The following HDAC4 variants were observed in gnomAD, a reference collection of about 807,000 sequenced individuals.
HDAC4 encodes the protein histone deacetylase A.
In HDAC4, 16 loss-of-function variants were observed where a neutral mutation model predicts 135.1. The observed-to-expected ratio is 0.12, with a 90% CI of 0.08 to 0.18. The LOEUF (loss-of-function observed/expected upper bound fraction) is 0.18. Among genes scored for constraint, HDAC4 ranks in the 10% least tolerant of loss-of-function variants. HDAC4 has a pLI of 1.00. For synonymous variants in HDAC4, 685 were observed against 653.4 expected (o/e 1.05, Z -0.74); for missense variants, 1,143 against 1,511.8 (o/e 0.76, Z 4.05).
intron 1 of HDAC4, among the ~76,000 whole-genome samples, chr2:239,359,748 G>A (rs1273887390): frequency 6.6e-6 from 1 of 152,224 alleles, no homozygotes; most frequent in Non-Finnish European, 1.5e-5. Context: ...CCTCCTGGGA[G>A]GAAGCCAGTG....
intron 15 of HDAC4, among the ~76,000 whole-genome samples, chr2:239,107,321 A>G (rs79830281): frequency 0.034 from 5,254 of 152,294 alleles, 286 homozygotes; most frequent in African/African-American, 0.12. Context: ...TCTGGTTCCT[A>G]TCAGGAGGCG....
intron 19 of HDAC4, among the ~76,000 whole-genome samples, chr2:239,084,613 GACAC>G (rs993872798): frequency 6.9e-6 from 1 of 144,714 alleles, no homozygotes; most frequent in East Asian, 2.1e-4. Flanking sequence ...ACCCCCCACA[GACAC>G]ACACACCACA....
chr2:239,111,556 C>T lies in HDAC4; in HGVS notation c.1948G>A (p.Glu650Lys). Residue 650 changes from glutamate to lysine, a missense_variant, in exon 14 of 27, where the codon GAG (glutamate) becomes AAG (lysine). Glu to Lys is a moderately conservative substitution (Grantham distance 56). Transcript: ENST00000543185. ...GTGAACCTCGGCTTGGTGGGGGGCT[C>T]CTGCACAGACACGGGGAAGGTGGCA... The part of the protein sequence containing the change: ...ASATFPVSVQ[E>K]PPTKPRFTTG... The T allele has an allele frequency of 6.2e-7, 1 of 1,612,430 alleles. No homozygotes were observed. Among genetic ancestry groups the T allele is most frequent in the Non-Finnish European group, 8.5e-7 (1 of 1,179,764 alleles).
At chr2:239,071,625 T>C (rs901606073) in intron 22 of HDAC4, among the ~76,000 whole-genome samples, 3 of 152,102 alleles carry the variant, frequency 2.0e-5, no homozygotes, top group African/African-American at 7.2e-5. Context: ...CTGGGCCACC[T>C]CTGGCTCTCG....
intron 2 of HDAC4, among the ~76,000 whole-genome samples, chr2:239,249,386 C>T (rs2048651760): frequency 2.0e-5 from 3 of 152,306 alleles, no homozygotes; most frequent in Non-Finnish European, 4.4e-5. Context: ...TCCATCAGGA[C>T]TCTGCGATGG....
At chr2:239,314,754 G>A (rs115147307) in intron 2 of HDAC4, among the ~76,000 whole-genome samples, 3,547 of 152,280 alleles carry the variant, frequency 0.023, 146 homozygotes, top group African/African-American at 0.081. Context: ...AGCTGGAGAC[G>A]TTAGAGGACT....
At chr2:239,272,411 T>G (rs1339969013) in intron 2 of HDAC4, among the ~76,000 whole-genome samples, 1 of 152,186 alleles carries the variant, frequency 6.6e-6, no homozygotes, top group African/African-American at 2.4e-5. Flanking sequence ...GCAAACCATA[T>G]ATCTGATCAA....
intron 3 of HDAC4, among the ~76,000 whole-genome samples, chr2:239,224,078 G>A (rs888165163): frequency 7.2e-5 from 11 of 152,086 alleles, no homozygotes; most frequent in Admixed American, 1.3e-4. Context: ...TCATCCCAGC[G>A]CAGGGTCTGC....
At chr2:239,372,173 C>T (rs62182156) in intron 1 of HDAC4, among the ~76,000 whole-genome samples, 37,554 of 152,074 alleles carry the variant, frequency 0.25, 5,494 homozygotes, top group Non-Finnish European at 0.34. Flanking sequence ...GACAGTGGGC[C>T]CCAGGACTCT....
chr2:239,142,844 T>TG (rs1461356230), intron 8 of HDAC4, among the ~76,000 whole-genome samples: 1 of 147,116 alleles, frequency 6.8e-6, no homozygotes, highest in Non-Finnish European at 1.5e-5. Context: ...ACATGACTCC[T>TG]GGGTGAGCTC....
rs763495006 is a variant in HDAC4 at position 239,053,103 on chromosome 2, G to A, written c.3264C>T (p.Pro1088=). The part of the protein sequence containing the change: ...PDEEPMEEEP[P]L ...CAGCAGCTTCGAGGGAGTGCTACAG[G>A]GGCGGCTCCTCTTCCATGGGCTCCT... The change falls in exon 27 of 27, where the codon CCC becomes CCT. Residue 1088 remains proline, a synonymous_variant. Transcript: ENST00000543185. 3 of 1,614,196 alleles carry A rather than the reference G, an allele frequency of 1.9e-6. No homozygotes were observed. Among genetic ancestry groups the A allele is most frequent in the South Asian group, 2.2e-5 (2 of 91,086 alleles).
In HDAC4 at chr2:239,096,050, T is replaced by C. The variant is rs547123084; in HGVS notation, c.2234-994A>G. Among the ~76,000 whole-genome samples, 352 of 152,256 alleles carry C rather than the reference T, an allele frequency of 2.3e-3. 2 individuals carry two copies. The highest frequency in any genetic ancestry group is 8.1e-3 in the African/African-American group (336 of 41,534). The stretch of plus-strand genomic sequence containing the variant: ...TGGGGCTCCTCTCCCATTCTCAGCC[T>C]GCTCCAGAACAGTAGCCTCCACTCT... On this transcript the variant is annotated intron_variant, in intron 16 of 26. Coordinates refer to ENST00000543185, the MANE Select transcript of HDAC4 (RefSeq NM_001378414.1).
chr2:239,152,414 C>G (rs1486149269), intron 7 of HDAC4, among the ~76,000 whole-genome samples: 1 of 152,240 alleles, frequency 6.6e-6, no homozygotes, highest in Non-Finnish European at 1.5e-5. Context: ...TGGGAAGGGA[C>G]CAGGCACCTC....
intron 2 of HDAC4, among the ~76,000 whole-genome samples, chr2:239,339,395 C>T (rs879597275): frequency 3.3e-5 from 5 of 152,180 alleles, no homozygotes; most frequent in Non-Finnish European, 5.9e-5. Flanking sequence ...AGGCAATGGG[C>T]CCAGTCCAGG....
intron 22 of HDAC4, among the ~76,000 whole-genome samples, chr2:239,077,417 T>C (rs993041415): frequency 1.3e-5 from 2 of 152,234 alleles, no homozygotes; most frequent in African/African-American, 4.8e-5. Flanking sequence ...TGCCTAGAGC[T>C]TGTCCTCCCA....
chr2:239,313,749 T>G lies in HDAC4; in HGVS notation c.22+38929A>C, dbSNP rs2052994942. Among the ~76,000 whole-genome samples the G allele has an allele frequency of 6.6e-6, 1 of 152,160 alleles. No individual in the cohort carries two copies. Among genetic ancestry groups the G allele is most frequent in the Non-Finnish European group, 1.5e-5 (1 of 68,030 alleles). On this transcript the variant is annotated intron_variant, in intron 2 of 26. Transcript: ENST00000543185. This position sits in a 1 kb window ranked among gnomAD's most constrained non-coding sequence, Gnocchi z 5.1. ...CGCCTGGCAATATGGCACACGCACTTTTAGAGACGTCTAATTATACTCAGG... is the reference window on the plus strand; with the variant it reads ...CGCCTGGCAATATGGCACACGCACTGTTAGAGACGTCTAATTATACTCAGG...
At chr2:239,202,208 G>T (rs917047235) in intron 3 of HDAC4, among the ~76,000 whole-genome samples, 2 of 152,222 alleles carry the variant, frequency 1.3e-5, no homozygotes, top group African/African-American at 2.4e-5. Context: ...ACTACCTATA[G>T]TAGGAAGCTC....
chr2:239,261,528 C>T (rs1022769471), intron 2 of HDAC4, among the ~76,000 whole-genome samples: 1 of 152,154 alleles, frequency 6.6e-6, no homozygotes, highest in Non-Finnish European at 1.5e-5. Flanking sequence ...CACGCTTCAA[C>T]AGTTGCCAAA....
chr2:239,334,005 T>C (rs1691756390), intron 2 of HDAC4, among the ~76,000 whole-genome samples: 2 of 152,092 alleles, frequency 1.3e-5, no homozygotes, highest in African/African-American at 4.8e-5. Context: ...ACATAAAAGT[T>C]TTAAAAATTA....
Sources: gnomAD v4.1 joint callset for allele counts (sites outside exome capture counted in the v4.1 genomes callset) on GRCh38, gnomAD v4.1.1 for gene constraint, Gnocchi (gnomAD v3.1) non-coding constraint, MANE v1.5 for transcripts, NCBI Gene and HGNC (gene_info 2026-07-23, HGNC 2026-07-21) for gene names.